The following PXDNL variants were observed in gnomAD, a reference collection of about 807,000 sequenced individuals.
The protein encoded by PXDNL is probable oxidoreductase PXDNL.
A neutral mutation model predicts 150.8 loss-of-function variants in PXDNL; 145 were observed. The ratio of observed to expected loss-of-function variants is 0.96; its 90% CI spans 0.84 to 1.10. The LOEUF (loss-of-function observed/expected upper bound fraction) is 1.10. PXDNL is among the 50% of genes least tolerant of loss of function. PXDNL has a pLI of 0.00. For missense variants in PXDNL, 2,087 were observed against 1,873.9 expected, an observed-to-expected ratio of 1.11 and a Z score of -2.10; for synonymous variants, 757 against 725.7, an observed-to-expected ratio of 1.04 and a Z score of -0.69.
rs376102006 is a variant in PXDNL, at chr8:51,408,946, T to C, written c.2678A>G (p.Tyr893Cys). ...AREQINQQTA[Y>C]IDGSNVYGSS... ...CCCGTAAACGTTGGAGCCATCGATG[T>C]AGGCTGTTTGCTGGTTGATCTGCTC... Residue 893 changes from tyrosine (Y) to cysteine (C), a missense_variant, in exon 17 of 23, where the codon TAC becomes TGC. Physicochemically the swap from Tyr to Cys is radical, Grantham distance 194. Transcript: ENST00000356297. The C allele has an allele frequency of 4.3e-6, 7 of 1,612,684 alleles. No individual in the cohort carries two copies. The African/African-American group carries it at 9.3e-5, about 22-fold the overall frequency.
intron 1 of PXDNL, among the ~76,000 whole-genome samples, chr8:51,660,071 G>A (rs1815239963): frequency 1.3e-5 from 2 of 152,038 alleles, no homozygotes; most frequent in South Asian, 4.2e-4. Flanking sequence ...TGTACTTTTA[G>A]TAGAGACAGG....
chr8:51,372,592 C>T (rs1807158325), intron 18 of PXDNL, among the ~76,000 whole-genome samples: 1 of 152,120 alleles, frequency 6.6e-6, no homozygotes. Context: ...GCCATGTTGG[C>T]CAGGCTAGTC....
At chr8:51,437,399 A>G (rs1317634345) in intron 12 of PXDNL, among the ~76,000 whole-genome samples, 1 of 152,222 alleles carries the variant, frequency 6.6e-6, no homozygotes, top group Non-Finnish European at 1.5e-5. Flanking sequence ...AGAAAACTAC[A>G]GACCAATATC....
At chr8:51,405,152 C>T (rs1808401104) in intron 17 of PXDNL, among the ~76,000 whole-genome samples, 2 of 152,128 alleles carry the variant, frequency 1.3e-5, no homozygotes, top group South Asian at 2.1e-4. Context: ...GGCCCGCCCG[C>T]GCCTCTCCTT....
intron 17 of PXDNL, among the ~76,000 whole-genome samples, chr8:51,405,500 A>G (rs1405043161): frequency 6.6e-6 from 1 of 152,210 alleles, no homozygotes; most frequent in Admixed American, 6.5e-5. Flanking sequence ...AGTGGACTGA[A>G]GTGATTTAAA....
At chr8:51,564,434 C>T (rs4573261) in intron 3 of PXDNL, among the ~76,000 whole-genome samples, 28,746 of 151,596 alleles carry the variant, frequency 0.19, 2,847 homozygotes, top group Admixed American at 0.25. Context: ...TTTCAGGTCA[C>T]AGACGGTTGG....
intron 5 of PXDNL, among the ~76,000 whole-genome samples, chr8:51,498,042 C>A (rs564533366): frequency 1.3e-5 from 2 of 152,000 alleles, no homozygotes; most frequent in East Asian, 3.9e-4. Flanking sequence ...AAATGTCCAA[C>A]AATGATAGAC....
At chr8:51,359,924 T>C (rs930500770) in intron 19 of PXDNL, among the ~76,000 whole-genome samples, 3 of 151,998 alleles carry the variant, frequency 2.0e-5, no homozygotes, top group African/African-American at 7.3e-5. Flanking sequence ...AGTAAGATGC[T>C]CTTCACTGTT....
chr8:51,605,648 A>G (rs1813823716), intron 2 of PXDNL, among the ~76,000 whole-genome samples: 1 of 152,208 alleles, frequency 6.6e-6, no homozygotes, highest in Non-Finnish European at 1.5e-5. Context: ...TAAAAGAAAA[A>G]TTATAGTTAG....
intron 9 of PXDNL, among the ~76,000 whole-genome samples, 196 bp downstream of exon 9, chr8:51,457,302 T>C (rs1371452824): frequency 3.9e-5 from 6 of 152,310 alleles, no homozygotes; most frequent in Non-Finnish European, 8.8e-5. Context: ...CACAATGTGC[T>C]GTACCAGAAA....
chr8:51,347,287 T>G (rs17176316), intron 19 of PXDNL, among the ~76,000 whole-genome samples: 6,274 of 152,266 alleles, frequency 0.041, 271 homozygotes, highest in African/African-American at 0.11. Flanking sequence ...AGAGGAATAT[T>G]ACATGAAAGA....
At chr8:51,422,646 T>C (rs1256671678) in intron 14 of PXDNL, among the ~76,000 whole-genome samples, 2 of 152,250 alleles carry the variant, frequency 1.3e-5, no homozygotes, top group Non-Finnish European at 2.9e-5. Flanking sequence ...AATTTGTTCA[T>C]TTTTAAGGAA....
chr8:51,700,534 A>G (rs1816234958), intron 1 of PXDNL, among the ~76,000 whole-genome samples: 1 of 150,372 alleles, frequency 6.7e-6, no homozygotes, highest in Non-Finnish European at 1.5e-5. Context: ...ACAGACACAC[A>G]CAAATACACA....
At chr8:51,346,053 AAG>A in intron 19 of PXDNL, 106 bp from the exon 20 acceptor site, 1 of 685,268 alleles carries the variant, frequency 1.5e-6, no homozygotes, top group South Asian at 1.8e-5. Context: ...ACCAAGAAGA[AAG>A]AGTAGAGAGC....
At chr8:51,362,821 G>C (rs749323602) in intron 19 of PXDNL, among the ~76,000 whole-genome samples, 3 of 152,216 alleles carry the variant, frequency 2.0e-5, no homozygotes, top group Non-Finnish European at 4.4e-5. Context: ...ATCTGCTTCT[G>C]TGTTCATATG....
chr8:51,516,225 T>G (rs1022867137), intron 4 of PXDNL, among the ~76,000 whole-genome samples: 1 of 152,216 alleles, frequency 6.6e-6, no homozygotes, highest in Non-Finnish European at 1.5e-5. Context: ...AAGAAACATG[T>G]TATATTTCTT....
At chr8:51,612,368 G>A (rs1814027834) in intron 2 of PXDNL, among the ~76,000 whole-genome samples, 2 of 152,236 alleles carry the variant, frequency 1.3e-5, no homozygotes, top group East Asian at 1.9e-4. Flanking sequence ...TTTGTGGGGG[G>A]CTAACAATCG....
Position 51,319,983 on chromosome 8 carries a change from C to T in PXDNL, c.4300G>A (p.Ala1434Thr). Residue 1434 changes from alanine (A) to threonine (T), a missense_variant, in exon 23 of 23, where the codon GCT becomes ACT. Transcript: ENST00000356297. ...ACCAATTCAGGACTGGGACAGGGAG[C>T]CGGGGGACAAATCTCCACCACACAG... The part of the protein sequence containing the change: ...VTCVVEICPP[A>T]PCPSPELVKG... The T allele has an allele frequency of 6.4e-7, 1 of 1,571,736 alleles. No homozygotes were observed. Among genetic ancestry groups the T allele is most frequent in the Non-Finnish European group, 8.6e-7 (1 of 1,159,378 alleles).
In PXDNL at chr8:51,319,911, C is replaced by A; in HGVS notation, c.4372G>T (p.Asp1458Tyr). Residue 1458 changes from aspartate to tyrosine, a missense_variant, in exon 23 of 23, where the codon GAT becomes TAT. Physicochemically the swap from Asp to Tyr is radical, Grantham distance 160. Transcript: ENST00000356297. ...TTTTATTAGCGCTTCTCTGGGGAATCACTTGGCATTCCTCGGTCTCTGCAA... is the reference window on the plus strand; with the variant it reads ...TTTTATTAGCGCTTCTCTGGGGAATAACTTGGCATTCCTCGGTCTCTGCAA... ...PVCRDRGMPS[D>Y]SPEKR 1 of 1,547,086 alleles carries A rather than the reference C, an allele frequency of 6.5e-7. No individual in the cohort carries two copies. The highest frequency in any genetic ancestry group is 8.7e-7 in the Non-Finnish European group (1 of 1,150,600).
Sources: allele counts gnomAD v4.1 joint callset (sites outside exome capture counted in the v4.1 genomes callset), GRCh38; gene constraint gnomAD v4.1.1; transcripts MANE v1.5; gene names NCBI Gene and HGNC (gene_info 2026-07-23, HGNC 2026-07-21).